ZNF334: variants seen among roughly 807,000 people sequenced by gnomAD.
The protein encoded by ZNF334 is zinc finger protein 334.
Under a neutral mutation model 12.4 loss-of-function variants are expected in ZNF334, and 14 were observed. The observed-to-expected ratio is 1.13, with a 90% CI of 0.74 to 1.76. The LOEUF (loss-of-function observed/expected upper bound fraction) is 1.76. ZNF334 is among the 40% of genes most tolerant of loss of function. The pLI is 0.00. For missense variants in ZNF334, 797 were observed against 804.5 expected (o/e 0.99, Z 0.11); for synonymous variants, 273 against 269.6 (o/e 1.01, Z -0.12).
At chr20:46,472,559 G>A in the ZNF334 span, among the ~76,000 whole-genome samples, 2 of 152,162 alleles carry the variant, frequency 1.3e-5, no homozygotes, top group African/African-American at 2.4e-5. Flanking sequence ...CCCAGGCAGA[G>A]AAATCACAAA....
chr20:46,494,628 T>C, the ZNF334 span, among the ~76,000 whole-genome samples: 4 of 152,328 alleles, frequency 2.6e-5, no homozygotes, highest in East Asian at 5.8e-4. Context: ...ACAAAAATTA[T>C]ACATGGGACC....
the ZNF334 span, among the ~76,000 whole-genome samples, chr20:46,480,421 A>C: frequency 1.1e-4 from 17 of 152,114 alleles, 1 homozygote; most frequent in Admixed American, 1.1e-3. Context: ...TGAAAGCGCC[A>C]AACTGCCTCT....
chr20:46,503,613 C>T (rs991872492), intron 4 of ZNF334, among the ~76,000 whole-genome samples: 1 of 152,120 alleles, frequency 6.6e-6, no homozygotes, highest in African/African-American at 2.4e-5. Flanking sequence ...ACATGGAACT[C>T]TCGAATTTGT....
At chr20:46,481,175 G>A in the ZNF334 span, 1 of 152,170 alleles carries the variant, frequency 6.6e-6, no homozygotes, top group Admixed American at 6.5e-5. Flanking sequence ...GATATCACAG[G>A]TGAACTGCTT....
chr20:46,475,941 T>C, the ZNF334 span, among the ~76,000 whole-genome samples: 2 of 152,188 alleles, frequency 1.3e-5, no homozygotes, highest in Non-Finnish European at 2.9e-5. Context: ...TAAAAACATA[T>C]GTTAGCACAA....
At chr20:46,468,647 G>A in the ZNF334 span, among the ~76,000 whole-genome samples, 1 of 152,096 alleles carries the variant, frequency 6.6e-6, no homozygotes, top group Non-Finnish European at 1.5e-5. Context: ...TTAGAAAAAG[G>A]GTGGTAATCT....
At chr20:46,486,254 T>C in the ZNF334 span, among the ~76,000 whole-genome samples, 1 of 152,144 alleles carries the variant, frequency 6.6e-6, no homozygotes, top group African/African-American at 2.4e-5. Context: ...ATATCTTTTC[T>C]ATGTTGTTAA....
At chr20:46,475,624 G>A in the ZNF334 span, among the ~76,000 whole-genome samples, 8 of 151,912 alleles carry the variant, frequency 5.3e-5, no homozygotes, top group Non-Finnish European at 1.2e-4. Flanking sequence ...AGACATGAAA[G>A]GACATTTCAA....
rs1754304767 is a variant in ZNF334 at position 46,509,361 on chromosome 20, G to T, written c.21+2721C>A. On this transcript the variant is annotated intron_variant, in intron 2 of 4. Coordinates refer to ENST00000692313, the MANE Select transcript of ZNF334 (RefSeq NM_001353824.2). ...ATTCCATCTGGGAACTCCAAGCCGG[G>T]GTAGTGAGGGTGAGGGAAGTAAGGA... is the stretch of plus-strand genomic sequence containing the variant. Among the ~76,000 whole-genome samples the T allele has an allele frequency of 6.6e-5, 10 of 152,182 alleles. No homozygotes were observed. In the South Asian group the frequency reaches 1.2e-3, roughly 19 times the overall value.
the ZNF334 span, chr20:46,464,564 C>A: frequency 2.4e-6 from 1 of 422,246 alleles, no homozygotes; most frequent in Non-Finnish European, 4.7e-6. Context: ...TTTTTATATG[C>A]TGTGGTCTCT....
At position 46,501,766 on chromosome 20, in the gene ZNF334, C is replaced by T; in HGVS notation, c.1573G>A (p.Ala525Thr). 1 of 1,614,154 alleles carries T rather than the reference C, an allele frequency of 6.2e-7. No individual in the cohort carries two copies. Among genetic ancestry groups the T allele is most frequent in the South Asian group, 1.1e-5 (1 of 91,084 alleles). Residue 525 changes from alanine to threonine, a missense_variant, in exon 5 of 5, where the codon GCC (alanine) becomes ACC (threonine). Coordinates refer to ENST00000692313, the MANE Select transcript of ZNF334 (RefSeq NM_001353824.2). ...NLYECSEHGH[A>T]VSKNSHLIVH... is the part of the protein sequence containing the mutation. ...ATGAGGTGTGAGTTTTTGCTGACGG[C>T]ATGCCCATGTTCACTACACTCATAA...
downstream of ZNF334, among the ~76,000 whole-genome samples, chr20:46,495,680 A>G (rs2061009853): frequency 6.6e-6 from 1 of 152,116 alleles, no homozygotes. Context: ...TTCTGCCACT[A>G]AGTCTGTCTC....
chr20:46,473,018 T>G, the ZNF334 span, among the ~76,000 whole-genome samples: 2 of 152,264 alleles, frequency 1.3e-5, no homozygotes, highest in Non-Finnish European at 2.9e-5. Flanking sequence ...TTTTGGTAGT[T>G]GTAGACCTAT....
chr20:46,509,232 A>T (rs1430345233), intron 2 of ZNF334, among the ~76,000 whole-genome samples: 2 of 152,164 alleles, frequency 1.3e-5, no homozygotes, highest in East Asian at 3.9e-4. Context: ...AAATTACACA[A>T]GTAAGTTGTA....
At chr20:46,512,026 C>A in intron 2 of ZNF334, 56 bp downstream of exon 2, 1 of 1,584,020 alleles carries the variant, frequency 6.3e-7, no homozygotes, top group South Asian at 1.1e-5. Context: ...GCAAACTACT[C>A]TAAACCTCTT....
chr20:46,498,331 T>C (rs1440630730), downstream of ZNF334, among the ~76,000 whole-genome samples: 3 of 152,234 alleles, frequency 2.0e-5, no homozygotes, highest in Admixed American at 6.5e-5. Context: ...AGGGAAACTG[T>C]GGCTTTGGAT....
chr20:46,465,148 T>G, the ZNF334 span: 3 of 217,800 alleles, frequency 1.4e-5, no homozygotes, highest in Non-Finnish European at 2.7e-5. Flanking sequence ...CTGCAGCTAC[T>G]GCCACTCCTT....
In ZNF334 at chr20:46,505,688, G is replaced by A. The variant is rs756788831; in HGVS notation, c.22-948C>T. On this transcript the variant is annotated intron_variant, in intron 2 of 4. Transcript: ENST00000692313. ...GCCACTGGGAGCCAAACGTGGTCAC[G>A]CTCATTTGTTACACACAGTCTATGA... is the stretch of plus-strand genomic sequence containing the variant. 1.3e-3 allele frequency: 207 copies of A among 153,894 alleles called. 3 individuals carry two copies. The highest frequency in any genetic ancestry group is 6.8e-3 in the Middle Eastern group (2 of 294). The allele number at this position is 153,894 out of a possible 1,614,324, so 9.5% of individuals were successfully genotyped here.
chr20:46,471,009 C>A, the ZNF334 span, among the ~76,000 whole-genome samples: 3 of 152,156 alleles, frequency 2.0e-5, no homozygotes, highest in Non-Finnish European at 4.4e-5. Context: ...CAGATATCTT[C>A]AATTTTAGTA....
Sources: gnomAD v4.1 joint callset for allele counts (sites outside exome capture counted in the v4.1 genomes callset) on GRCh38, gnomAD v4.1.1 for gene constraint, MANE v1.5 for transcripts, NCBI Gene and HGNC (gene_info 2026-07-23, HGNC 2026-07-21) for gene names.